Variants in SYBU observed in about 807,000 individuals in gnomAD.
SYBU encodes GOLSYN A protein.
Under a neutral mutation model 35.9 loss-of-function variants are expected in SYBU, and 21 were observed. The ratio of observed to expected loss-of-function variants is 0.58; its 90% CI spans 0.41 to 0.84. The LOEUF is 0.84. Ranked by LOEUF, SYBU falls within the 40% of genes least tolerant of loss-of-function variation. SYBU has a pLI of 0.00. For missense variants in SYBU, 768 were observed against 848.2 expected, an observed-to-expected ratio of 0.91 and a Z score of 1.17; for synonymous variants, 319 against 324.3, an observed-to-expected ratio of 0.98 and a Z score of 0.18.
At chr8:109,644,160 C>A (rs1202976628) in intron 1 of SYBU, 5 of 460,054 alleles carry the variant, frequency 1.1e-5, no homozygotes, top group Non-Finnish European at 1.7e-5. Context: ...GGCATCCACT[C>A]TACCCGGGGG....
chr8:109,587,698 T>C (rs149038376), intron 3 of SYBU, among the ~76,000 whole-genome samples: 87 of 152,302 alleles, frequency 5.7e-4, no homozygotes, highest in Non-Finnish European at 1.1e-3. Flanking sequence ...ATCCTTTCCC[T>C]GGTTTCCAGG....
upstream of SYBU, chr8:109,644,996 C>G (rs572164199): frequency 2.7e-4 from 132 of 493,332 alleles, 1 homozygote; most frequent in South Asian, 2.3e-3. Context: ...CCGCGCCCCC[C>G]CAGCCAGAGC....
chr8:109,669,211 A>G (rs201510800), intron 1 of SYBU, among the ~76,000 whole-genome samples: 19 of 151,912 alleles, frequency 1.3e-4, no homozygotes, highest in Non-Finnish European at 2.2e-4. Flanking sequence ...GCGTGGTGGC[A>G]GGCACCTGTA....
upstream of SYBU, among the ~76,000 whole-genome samples, chr8:109,649,132 A>C (rs1816005221): frequency 6.7e-6 from 1 of 149,562 alleles, no homozygotes. Context: ...CCTCCTGAGT[A>C]GCTGGGACTA....
intron 3 of SYBU, among the ~76,000 whole-genome samples, chr8:109,612,150 A>G (rs565811438): frequency 6.6e-6 from 1 of 152,252 alleles, no homozygotes; most frequent in African/African-American, 2.4e-5. Context: ...ACCTCCTTGT[A>G]CCCCAGTTTT....
At chr8:109,576,042 TAAA>T (rs71305959) in intron 6 of SYBU, 29 bp from the exon 7 acceptor site, 70,007 of 830,804 alleles carry the variant, frequency 0.084, 509 homozygotes, top group African/African-American at 0.17. Flanking sequence ...CATGGTTAAT[TAAA>T]AAAAAAAAAA....
At chr8:109,601,708 G>C (rs1009564053) in intron 3 of SYBU, among the ~76,000 whole-genome samples, 1 of 152,128 alleles carries the variant, frequency 6.6e-6, no homozygotes. Flanking sequence ...GACCTTGGGT[G>C]AAAGAGATCA....
At chr8:109,633,139 C>A (rs1813828054) in intron 2 of SYBU, among the ~76,000 whole-genome samples, 1 of 152,104 alleles carries the variant, frequency 6.6e-6, no homozygotes, top group Non-Finnish European at 1.5e-5. Flanking sequence ...TTTGTTACTT[C>A]TGAATTTAAA....
At chr8:109,634,336 T>C (rs1813977223) in intron 2 of SYBU, among the ~76,000 whole-genome samples, 1 of 152,204 alleles carries the variant, frequency 6.6e-6, no homozygotes, top group African/African-American at 2.4e-5. Context: ...GGTTCTATTG[T>C]GGAGCTTACT....
Position 109,575,901 on chromosome 8 carries a change from C to T in SYBU, c.997G>A (p.Glu333Lys). ...ATGACCTGTTTGAGCTGTTTAATCT[C>T]TTTCCTGGCTTCTTTGAGTGCCAAC... ...AQLALKEARK[E>K]IKQLKQVIET... Residue 333 changes from glutamate to lysine, a missense_variant, in exon 7 of 7, where the codon GAG (glutamate) becomes AAG (lysine). Transcript: ENST00000276646. 1 of 1,614,048 alleles carries T rather than the reference C, an allele frequency of 6.2e-7. No individual in the cohort carries two copies. The highest frequency in any genetic ancestry group is 1.3e-5 in the African/African-American group (1 of 75,018).
intron 2 of SYBU, among the ~76,000 whole-genome samples, chr8:109,620,293 A>G (rs1812276027): frequency 6.6e-6 from 1 of 152,228 alleles, no homozygotes; most frequent in African/African-American, 2.4e-5. Context: ...ACAAAGAACA[A>G]ATAAAGACAT....
At chr8:109,613,893 CTAT>C (rs932629461) in intron 3 of SYBU, among the ~76,000 whole-genome samples, 1 of 152,210 alleles carries the variant, frequency 6.6e-6, no homozygotes, top group Non-Finnish European at 1.5e-5. Flanking sequence ...CAATCCTCTG[CTAT>C]TGTCGTAAGG....
At chr8:109,643,031 T>C (rs1815107334) in intron 1 of SYBU, 99 bp from the exon 2 acceptor site, 2 of 1,455,336 alleles carry the variant, frequency 1.4e-6, no homozygotes, top group Non-Finnish European at 1.8e-6. Flanking sequence ...GAAATCACAT[T>C]TCTGAGTATT....
chr8:109,614,495 A>G (rs148822447), intron 3 of SYBU, among the ~76,000 whole-genome samples: 4 of 152,334 alleles, frequency 2.6e-5, no homozygotes, highest in African/African-American at 7.2e-5. Flanking sequence ...CCACAGTCCA[A>G]ACTTATCATA....
At chr8:109,671,825 TTCTC>T (rs1194976294) in intron 1 of SYBU, among the ~76,000 whole-genome samples, 3 of 152,340 alleles carry the variant, frequency 2.0e-5, no homozygotes, top group South Asian at 2.1e-4. Context: ...GATGGCATGT[TTCTC>T]TCTACTTGAA....
chr8:109,664,083 T>G (rs1191848354), intron 1 of SYBU, among the ~76,000 whole-genome samples: 2 of 152,164 alleles, frequency 1.3e-5, no homozygotes, highest in African/African-American at 4.8e-5. Flanking sequence ...ATACAATGTA[T>G]TTAGGAAACA....
chr8:109,608,268 C>G (rs1309665888), intron 3 of SYBU, among the ~76,000 whole-genome samples: 1 of 152,198 alleles, frequency 6.6e-6, no homozygotes, highest in Non-Finnish European at 1.5e-5. Flanking sequence ...GCCTACACAA[C>G]AGTCAAGATG....
intron 3 of SYBU, among the ~76,000 whole-genome samples, chr8:109,599,602 C>T (rs1182854170): frequency 6.6e-6 from 1 of 152,194 alleles, no homozygotes; most frequent in African/African-American, 2.4e-5. Context: ...TCTGCTCTTT[C>T]CCATCCTGAA....
At chr8:109,671,117 T>C (rs1353569271) in intron 1 of SYBU, among the ~76,000 whole-genome samples, 2 of 152,220 alleles carry the variant, frequency 1.3e-5, no homozygotes, top group Non-Finnish European at 2.9e-5. Context: ...ATGTGTAATG[T>C]TGGTTCCCTA....
Sources: gnomAD v4.1 joint callset for allele counts (sites outside exome capture counted in the v4.1 genomes callset) on GRCh38, gnomAD v4.1.1 for gene constraint, MANE v1.5 for transcripts, NCBI Gene and HGNC (gene_info 2026-07-23, HGNC 2026-07-21) for gene names.